Variants in CACNA1I observed in about 807,000 individuals in gnomAD.
The protein encoded by CACNA1I is calcium voltage-gated channel subunit alpha1 I.
CACNA1I carries 74 observed loss-of-function variants against 201.6 expected under a neutral mutation model. The ratio of observed to expected loss-of-function variants is 0.37; its 90% CI spans 0.30 to 0.45. The LOEUF (loss-of-function observed/expected upper bound fraction) is 0.45. CACNA1I is among the 20% of genes least tolerant of loss of function. CACNA1I has a pLI of 1.00. For missense variants in CACNA1I, 2,346 were observed against 3,138.1 expected (o/e 0.75, Z 6.03); for synonymous variants, 1,431 against 1,345.2 (o/e 1.06, Z -1.40).
intron 1 of CACNA1I, among the ~76,000 whole-genome samples, chr22:39,576,084 T>C (rs1265053989): frequency 1.3e-5 from 2 of 152,214 alleles, no homozygotes; most frequent in Non-Finnish European, 2.9e-5. Context: ...CTTCAGAGCC[T>C]TTCTTAGGAG....
Position 39,684,191 on chromosome 22 carries a change from A to T in CACNA1I, c.5831-111A>T. ...TCCACAGTCTCACAGTCAGTTTATTAGGTGGCCCCTCACTGCTGGCCCAGT... is the reference window on the plus strand; with the variant it reads ...TCCACAGTCTCACAGTCAGTTTATTTGGTGGCCCCTCACTGCTGGCCCAGT... On this transcript the variant is annotated intron_variant, in intron 35 of 36. Coordinates refer to ENST00000402142, the MANE Select transcript of CACNA1I (RefSeq NM_021096.4). The surrounding 1 kb of genome is among the most constrained non-coding windows in gnomAD (Gnocchi z 4.6). 1.2e-6 allele frequency: 1 copy of T among 806,496 alleles called. No homozygotes were observed. Among genetic ancestry groups the T allele is most frequent in the Non-Finnish European group, 2.0e-6 (1 of 490,924 alleles). The allele number at this position is 806,496 out of a possible 1,614,324, so 50.0% of individuals were successfully genotyped here.
intron 2 of CACNA1I, 116 bp from the exon 3 acceptor site, chr22:39,600,404 G>A (rs2145828245): frequency 1.3e-6 from 1 of 799,290 alleles, no homozygotes; most frequent in Non-Finnish European, 2.0e-6. Context: ...GTTTCCGGGT[G>A]TTTCCCAGGC....
At chr22:39,644,850 G>A (rs1934440805) in intron 7 of CACNA1I, among the ~76,000 whole-genome samples, 1 of 151,992 alleles carries the variant, frequency 6.6e-6, no homozygotes, top group Non-Finnish European at 1.5e-5. Flanking sequence ...ACCATGCCTG[G>A]CTAATGTTTA....
intron 3 of CACNA1I, among the ~76,000 whole-genome samples, chr22:39,601,689 G>A (rs535992152): frequency 5.0e-4 from 76 of 151,972 alleles, no homozygotes; most frequent in African/African-American, 1.8e-3. Flanking sequence ...TGGCTGAGAC[G>A]GACAGTCAGG....
chr22:39,664,759 C>T lies in CACNA1I; in HGVS notation c.3687C>T (p.Tyr1229=). 1 of 1,490,996 alleles carries T rather than the reference C, an allele frequency of 6.7e-7. No homozygotes were observed. The highest frequency in any genetic ancestry group is 9.1e-7 in the Non-Finnish European group (1 of 1,101,724). 92.4% of individuals were successfully genotyped at this position (1,490,996 alleles called of 1,614,324 possible). Residue 1229 remains tyrosine (Y), a synonymous_variant, in exon 21 of 37, where the codon TAC becomes TAT. Coordinates refer to ENST00000402142, the MANE Select transcript of CACNA1I (RefSeq NM_021096.4). The part of the protein sequence containing the change: ...MTLKVVSLGL[Y]FGEQAYLRSS... ...CCCAGGTAGTCTCGCTGGGCCTGTA[C>T]TTCGGCGAGCAGGCGTACCTACGCA...
chr22:39,629,989 T>A lies in CACNA1I; in HGVS notation c.581-4576T>A, dbSNP rs1314893936. Among the ~76,000 whole-genome samples the A allele has an allele frequency of 6.6e-6, 1 of 152,108 alleles. No homozygotes were observed. Among genetic ancestry groups the A allele is most frequent in the African/African-American group, 2.4e-5 (1 of 41,414 alleles). On this transcript the variant is annotated intron_variant, in intron 4 of 36. Transcript: ENST00000402142. This position sits in a 1 kb window ranked among gnomAD's most constrained non-coding sequence, Gnocchi z 4.8. The stretch of plus-strand genomic sequence containing the variant: ...CAAGTCTTCCAGCCCCCTGGCCCTG[T>A]CTCCTCCCCAGCCTCATCCCTGCTC...
At position 39,679,172 on chromosome 22, in the gene CACNA1I, G is replaced by A. The variant is rs774030069; in HGVS notation, c.5121G>A (p.Pro1707=). 2.3e-5 allele frequency: 37 copies of A among 1,591,282 alleles called. No homozygotes were observed. The highest frequency in any genetic ancestry group is 2.3e-4 in the Admixed American group (13 of 56,990). The change falls in exon 32 of 37, where the codon CCG becomes CCA. Residue 1707 remains proline (P), a synonymous_variant. Coordinates refer to ENST00000402142, the MANE Select transcript of CACNA1I (RefSeq NM_021096.4). ...TGAGCAGCCTGCAGTTTGTGTCGCC[G>A]CTGTACTTCGTGAGCTTCGTGCTCA... is the stretch of plus-strand genomic sequence containing the variant. ...SCLSSLQFVS[P]LYFVSFVLTA...
chr22:39,685,842 A>C lies in CACNA1I; in HGVS notation c.6109A>C (p.Thr2037Pro). ...SLQTTLEDSL[T>P]LSDSPRRALG... ...GCAGACCACGCTCGAGGACAGCCTG[A>C]CCCTGAGCGACAGCCCCCGGCGTGC... is the stretch of plus-strand genomic sequence containing the variant. Residue 2037 changes from threonine (T) to proline (P), a missense_variant, in exon 37 of 37, where the codon ACC (threonine) becomes CCC (proline). Physicochemically the swap from Thr to Pro is conservative, Grantham distance 38. Transcript: ENST00000402142. The surrounding 1 kb of genome is among the most constrained non-coding windows in gnomAD (Gnocchi z 5.0). 1 of 1,483,760 alleles carries C rather than the reference A, an allele frequency of 6.7e-7. No individual in the cohort carries two copies. Among genetic ancestry groups the C allele is most frequent in the Non-Finnish European group, 8.9e-7 (1 of 1,125,552 alleles). The allele number at this position is 1,483,760 out of a possible 1,614,324, so 91.9% of individuals were successfully genotyped here. A position where few individuals can be genotyped will look rare whatever the true frequency, so the allele number is the denominator to read the frequency against.
rs1282377880 is a variant in CACNA1I at position 39,687,273 on chromosome 22, A to C, written c.*868A>C. ...GGAGGGCGGGGGTGGGTGGAGCAGG[A>C]GTGGAGGCAGCCTGCAGAGGAAGGG... On this transcript the variant is annotated 3_prime_UTR_variant, in exon 37 of 37. Transcript: ENST00000402142. The C allele has an allele frequency of 6.6e-6, 1 of 151,978 alleles. No homozygotes were observed. The highest frequency in any genetic ancestry group is 1.9e-4 in the East Asian group (1 of 5,136). 9.4% of individuals were successfully genotyped at this position (151,978 alleles called of 1,614,324 possible).
At chr22:39,673,814 T>C in intron 28 of CACNA1I, 149 bp from the exon 29 acceptor site, 1 of 679,776 alleles carries the variant, frequency 1.5e-6, no homozygotes, top group Non-Finnish European at 2.5e-6. Context: ...TGCACCCACA[T>C]TCTTGTAATG....
intron 35 of CACNA1I, 122 bp downstream of exon 35, chr22:39,682,783 A>C: frequency 3.9e-6 from 3 of 767,468 alleles, no homozygotes; most frequent in Non-Finnish European, 6.1e-6. Flanking sequence ...GTCCAGAAAG[A>C]ACCAGATGGA....
chr22:39,669,356 C>G (rs1009263958), intron 24 of CACNA1I, among the ~76,000 whole-genome samples: 2 of 152,234 alleles, frequency 1.3e-5, no homozygotes, highest in Non-Finnish European at 2.9e-5. Context: ...TGTCTCCTCA[C>G]CCCCACCAGT....
At chr22:39,582,575 G>A (rs535831959) in intron 1 of CACNA1I, among the ~76,000 whole-genome samples, 93 of 152,150 alleles carry the variant, frequency 6.1e-4, no homozygotes, top group African/African-American at 2.1e-3. Context: ...GTATGGAGTC[G>A]AGGGCCTTGG....
chr22:39,571,229 T>A (rs1214159223), intron 1 of CACNA1I: 3 of 565,324 alleles, frequency 5.3e-6, no homozygotes, highest in Non-Finnish European at 9.6e-6. Flanking sequence ...GTGGGGTCAG[T>A]CCAGTGGCTG....
At chr22:39,618,288 A>G (rs868721602) in intron 3 of CACNA1I, among the ~76,000 whole-genome samples, 2 of 12,544 alleles carry the variant, frequency 1.6e-4, no homozygotes, top group East Asian at 4.3e-3. Flanking sequence ...TGTGTGTGTG[A>G]CTGTGTGTGC....
chr22:39,579,505 G>C (rs1932479125), intron 1 of CACNA1I, among the ~76,000 whole-genome samples: 2 of 152,244 alleles, frequency 1.3e-5, no homozygotes, highest in Non-Finnish European at 2.9e-5. Context: ...TTGGCTCATG[G>C]TTCTGCAGGC....
chr22:39,604,393 G>T (rs1933150350), intron 3 of CACNA1I, among the ~76,000 whole-genome samples: 1 of 152,156 alleles, frequency 6.6e-6, no homozygotes, highest in South Asian at 2.1e-4. Context: ...GCATCCTTGG[G>T]AGATCAGGGA....
intron 10 of CACNA1I, among the ~76,000 whole-genome samples, chr22:39,653,450 C>T (rs1934714468): frequency 6.6e-6 from 1 of 152,210 alleles, no homozygotes; most frequent in African/African-American, 2.4e-5. Flanking sequence ...TGATCCGCCC[C>T]CATGTTTATT....
At chr22:39,643,123 G>A (rs1388447637) in intron 7 of CACNA1I, among the ~76,000 whole-genome samples, 2 of 152,188 alleles carry the variant, frequency 1.3e-5, no homozygotes, top group Admixed American at 6.5e-5. Context: ...TTTCTCATGT[G>A]TGGGCACTTA....
Sources: gnomAD v4.1 joint callset for allele counts (sites outside exome capture counted in the v4.1 genomes callset) on GRCh38, gnomAD v4.1.1 for gene constraint, Gnocchi (gnomAD v3.1) non-coding constraint, MANE v1.5 for transcripts, NCBI Gene and HGNC (gene_info 2026-07-23, HGNC 2026-07-21) for gene names.